The following DYRK1A variants were observed in gnomAD, a reference collection of about 807,000 sequenced individuals.
DYRK1A encodes the protein dual specificity tyrosine-phosphorylation-regulated kinase 1A.
A neutral mutation model predicts 79.7 loss-of-function variants in DYRK1A; 9 were observed. That is an observed-to-expected ratio of 0.11 (90% CI 0.07 to 0.20). The LOEUF (loss-of-function observed/expected upper bound fraction) is 0.20, where lower values mean the gene tolerates loss of function less well. Among genes scored for constraint, DYRK1A ranks in the 10% least tolerant of loss-of-function variants. The probability of loss-of-function intolerance (pLI) is 1.00; values close to 1 mark genes in which losing one functional copy is unlikely to be tolerated. For missense variants in DYRK1A, 622 were observed against 956.0 expected (o/e 0.65, Z 4.61); for synonymous variants, 349 against 329.7 (o/e 1.06, Z -0.63).
Position 37,522,655 on chromosome 21 carries a change from C to G in DYRK1A, c.*10124C>G, listed in dbSNP as rs2053942464. ...CTACAAAATTTTTATTTTGGCAAAA[C>G]CGTCCATGAATTTGGAGATGTTGAA... is the stretch of plus-strand genomic sequence containing the variant. On this transcript the variant is annotated 3_prime_UTR_variant, in exon 12 of 12. Transcript: ENST00000647188. 1 of 152,186 alleles carries G rather than the reference C, an allele frequency of 6.6e-6. No homozygotes were observed. The highest frequency in any genetic ancestry group is 2.4e-5 in the African/African-American group (1 of 41,440). The allele number at this position is 152,186 out of a possible 1,614,324, so 9.4% of individuals were successfully genotyped here.
At chr21:37,479,835 G>C (rs1384985024) in intron 4 of DYRK1A, among the ~76,000 whole-genome samples, 1 of 151,652 alleles carries the variant, frequency 6.6e-6, no homozygotes, top group Non-Finnish European at 1.5e-5. Context: ...CACCGTGTTA[G>C]CCAGGATGGT....
At chr21:37,445,436 C>T (rs980666267) in intron 2 of DYRK1A, among the ~76,000 whole-genome samples, 6 of 152,074 alleles carry the variant, frequency 3.9e-5, no homozygotes, top group Non-Finnish European at 7.4e-5. Context: ...CATGTTGGTG[C>T]GGGGGATGAA....
chr21:37,460,443 T>C (rs9977549), intron 2 of DYRK1A, among the ~76,000 whole-genome samples: 6,389 of 152,270 alleles, frequency 0.042, 174 homozygotes, highest in Middle Eastern at 0.092. Context: ...TGAGGGAGAC[T>C]TTGGCCTCTA....
At chr21:37,470,850 T>C (rs1361362911) in intron 2 of DYRK1A, among the ~76,000 whole-genome samples, 6 of 152,258 alleles carry the variant, frequency 3.9e-5, no homozygotes, top group Non-Finnish European at 2.9e-5. Context: ...AAGGTTGTTT[T>C]ACAGAATTGA....
chr21:37,457,092 CAG>C (rs2051676213), intron 2 of DYRK1A, among the ~76,000 whole-genome samples: 2 of 148,958 alleles, frequency 1.3e-5, no homozygotes, highest in Admixed American at 1.3e-4. Flanking sequence ...TTAGTAGAGA[CAG>C]AATCTCGCTC....
intron 1 of DYRK1A, among the ~76,000 whole-genome samples, chr21:37,396,998 A>AG (rs1460139087): frequency 6.6e-6 from 1 of 152,048 alleles, no homozygotes; most frequent in Admixed American, 6.6e-5. Context: ...GCTCTGCCCT[A>AG]GGGTATAGTC....
At chr21:37,458,268 C>CTG (rs3138683) in intron 2 of DYRK1A, among the ~76,000 whole-genome samples, 8,116 of 130,488 alleles carry the variant, frequency 0.062, 310 homozygotes, top group African/African-American at 0.11. Flanking sequence ...GGGTAATTTA[C>CTG]TGTGTGTGTG....
At chr21:37,368,705 G>C (rs1011149936) in intron 1 of DYRK1A, among the ~76,000 whole-genome samples, 5 of 152,204 alleles carry the variant, frequency 3.3e-5, no homozygotes, top group African/African-American at 1.2e-4. Flanking sequence ...AGTCTGGAGA[G>C]GGGCACTGAC....
chr21:37,447,732 A>G (rs2051319007), intron 2 of DYRK1A, among the ~76,000 whole-genome samples: 1 of 152,144 alleles, frequency 6.6e-6, no homozygotes, highest in Admixed American at 6.5e-5. Flanking sequence ...TGGCGAGCTG[A>G]TGGACATGGC....
chr21:37,374,339 A>G (rs2049493880), intron 1 of DYRK1A, among the ~76,000 whole-genome samples: 1 of 149,968 alleles, frequency 6.7e-6, no homozygotes, highest in African/African-American at 2.5e-5. Flanking sequence ...ACGTACATTT[A>G]CTATCTAGTA....
intron 3 of DYRK1A, among the ~76,000 whole-genome samples, chr21:37,476,488 A>G (rs2052397275): frequency 6.6e-6 from 1 of 152,210 alleles, no homozygotes; most frequent in African/African-American, 2.4e-5. Flanking sequence ...CCTCACATTT[A>G]GGCTGCACTC....
chr21:37,390,987 C>T (rs1429287078), intron 1 of DYRK1A, among the ~76,000 whole-genome samples: 5 of 152,260 alleles, frequency 3.3e-5, no homozygotes, highest in East Asian at 1.9e-4. Context: ...CCTCAGTGTG[C>T]GCCTGGTGTT....
rs1224161500 is a variant in DYRK1A at position 37,512,958 on chromosome 21, CT to C, written c.*436del. On this transcript the variant is annotated 3_prime_UTR_variant, in exon 12 of 12. Transcript: ENST00000647188. ...TTTTCTTTTTGTCCCCCCCATCCCCCTTTTTTTTTGTTTTGTTCTGTTTTGT... is the reference window on the plus strand; with the variant it reads ...TTTTCTTTTTGTCCCCCCCATCCCCCTTTTTTTTGTTTTGTTCTGTTTTGT... The C allele has an allele frequency of 1.8e-4, 8 of 43,678 alleles. No homozygotes were observed. The highest frequency in any genetic ancestry group is 3.5e-4 in the African/African-American group (4 of 11,358). 2.7% of individuals were successfully genotyped at this position (43,678 alleles called of 1,614,324 possible). A position where few individuals can be genotyped will look rare whatever the true frequency, so the allele number is the denominator to read the frequency against.
Position 37,486,560 on chromosome 21 carries a change from G to A in DYRK1A, c.583G>A (p.Val195Met). 1 of 1,597,384 alleles carries A rather than the reference G, an allele frequency of 6.3e-7. No individual in the cohort carries two copies. Among genetic ancestry groups the A allele is most frequent in the African/African-American group, 1.3e-5 (1 of 74,132 alleles). The change falls in exon 6 of 12, where the codon GTG becomes ATG. Residue 195 changes from valine to methionine, a missense_variant. Val to Met is a conservative substitution (Grantham distance 21). Coordinates refer to ENST00000647188, the MANE Select transcript of DYRK1A (RefSeq NM_001347721.2). ...KAFLNQAQIE[V>M]RLLELMNKHD... ...TTTTCTGAATCAAGCACAGATAGAA[G>A]TGCGACTTCTTGAGCTCATGAACAA...
intron 2 of DYRK1A, among the ~76,000 whole-genome samples, chr21:37,442,147 T>C (rs2051126807): frequency 6.6e-6 from 1 of 152,124 alleles, no homozygotes; most frequent in East Asian, 1.9e-4. Flanking sequence ...TTTTTCTGTT[T>C]ATCATTGGTT....
At chr21:37,441,204 T>G (rs549749951) in intron 2 of DYRK1A, among the ~76,000 whole-genome samples, 1 of 152,180 alleles carries the variant, frequency 6.6e-6, no homozygotes, top group Non-Finnish European at 1.5e-5. Flanking sequence ...AATATAGCCA[T>G]TCTGTCTTAA....
intron 1 of DYRK1A, among the ~76,000 whole-genome samples, chr21:37,396,213 CT>C (rs75384433): frequency 4.6e-4 from 67 of 144,118 alleles, no homozygotes; most frequent in South Asian, 4.4e-4. Flanking sequence ...GAAAACGCCT[CT>C]TTTTTTTTTT....
At chr21:37,419,256 G>A (rs1485925633) in intron 1 of DYRK1A, 1 of 152,114 alleles carries the variant, frequency 6.6e-6, no homozygotes, top group Non-Finnish European at 1.5e-5. Context: ...TAGTAATTTA[G>A]GAGTGTAAAA....
intron 2 of DYRK1A, among the ~76,000 whole-genome samples, chr21:37,462,940 G>GT (rs2051892817): frequency 6.6e-6 from 1 of 152,104 alleles, no homozygotes; most frequent in Admixed American, 6.6e-5. Context: ...AGGGAGTCTG[G>GT]TACCAGGTAC....
Sources: gnomAD v4.1 joint callset for allele counts (sites outside exome capture counted in the v4.1 genomes callset) on GRCh38, gnomAD v4.1.1 for gene constraint, MANE v1.5 for transcripts, NCBI Gene and HGNC (gene_info 2026-07-23, HGNC 2026-07-21) for gene names.